The following SRRM3 variants were observed in gnomAD, a reference collection of about 807,000 sequenced individuals.
SRRM3 encodes serine/arginine repetitive matrix protein 3.
In SRRM3, 27 loss-of-function variants were observed where a neutral mutation model predicts 66.2. That is an observed-to-expected ratio of 0.41 (90% CI 0.30 to 0.56). The LOEUF (loss-of-function observed/expected upper bound fraction) is 0.56. Among genes scored for constraint, SRRM3 ranks in the 20% least tolerant of loss-of-function variants. SRRM3 has a pLI of 0.32. For synonymous variants in SRRM3, 391 were observed against 414.9 expected (o/e 0.94, Z 0.70); for missense variants, 918 against 991.9 (o/e 0.93, Z 1.00).
At chr7:76,248,080 G>C (rs1801484805) in intron 2 of SRRM3, 108 bp from the exon 3 acceptor site, 1 of 767,040 alleles carries the variant, frequency 1.3e-6, no homozygotes, top group Non-Finnish European at 2.2e-6. Context: ...GCAAGCCGGA[G>C]TGTGCACTTG....
intron 2 of SRRM3, among the ~76,000 whole-genome samples, chr7:76,247,975 G>A (rs10228758): frequency 0.039 from 6,012 of 152,278 alleles, 361 homozygotes; most frequent in African/African-American, 0.13. Context: ...GATTACAGGC[G>A]AGAGCCACTG....
At chr7:76,205,188 T>TTCTCTCTCTCTC (rs368530693) in intron 1 of SRRM3, among the ~76,000 whole-genome samples, 1 of 149,562 alleles carries the variant, frequency 6.7e-6, no homozygotes, top group African/African-American at 2.4e-5. Flanking sequence ...CTTGCCTCCT[T>TTCTCTCTCTCTC]TCTCTCTCTC....
At chr7:76,250,912 C>T (rs1583909172) in intron 3 of SRRM3, among the ~76,000 whole-genome samples, 1 of 152,164 alleles carries the variant, frequency 6.6e-6, no homozygotes, top group Non-Finnish European at 1.5e-5. Context: ...ATCACTACCC[C>T]CACCCAGGGC....
At chr7:76,243,464 G>T (rs1193488435) in intron 2 of SRRM3, among the ~76,000 whole-genome samples, 1 of 152,138 alleles carries the variant, frequency 6.6e-6, no homozygotes, top group African/African-American at 2.4e-5. Flanking sequence ...CTCTGAGTTG[G>T]TTCAATCCAG....
intron 11 of SRRM3, among the ~76,000 whole-genome samples, chr7:76,280,309 A>ATT (rs1383337317): frequency 6.6e-6 from 1 of 151,610 alleles, no homozygotes; most frequent in Admixed American, 6.6e-5. Flanking sequence ...TTGTTTTTTT[A>ATT]TTTCTGTTTT....
intron 3 of SRRM3, among the ~76,000 whole-genome samples, chr7:76,250,021 CTTTATTTA>C (rs71082399): frequency 7.9e-5 from 12 of 151,506 alleles, no homozygotes; most frequent in African/African-American, 2.4e-4. Flanking sequence ...TTGCAATCAT[CTTTATTTA>C]TTTATTTATT....
At chr7:76,261,300 G>GCCCCCCCCC in intron 6 of SRRM3, 52 bp from the exon 7 acceptor site, 2 of 519,212 alleles carry the variant, frequency 3.9e-6, no homozygotes, top group Non-Finnish European at 6.6e-6. Flanking sequence ...GCCATTTCCA[G>GCCCCCCCCC]CCCCCCACCC....
intron 1 of SRRM3, among the ~76,000 whole-genome samples, chr7:76,225,060 G>A (rs1800823101): frequency 6.6e-6 from 1 of 152,106 alleles, no homozygotes; most frequent in African/African-American, 2.4e-5. Context: ...AAAGGGTTTT[G>A]TGGCTATCAT....
At chr7:76,228,794 T>G (rs1453465558) in intron 1 of SRRM3, among the ~76,000 whole-genome samples, 4 of 152,124 alleles carry the variant, frequency 2.6e-5, no homozygotes, top group Non-Finnish European at 5.9e-5. Context: ...CAATAAAATT[T>G]GAAAATGGCT....
At chr7:76,272,893 T>G (rs1554610663) in intron 11 of SRRM3, among the ~76,000 whole-genome samples, 1 of 152,112 alleles carries the variant, frequency 6.6e-6, no homozygotes, top group Non-Finnish European at 1.5e-5. Flanking sequence ...GGATGAATTT[T>G]GCTAAAAGGA....
chr7:76,219,442 G>A (rs1554602961), intron 1 of SRRM3, among the ~76,000 whole-genome samples: 1 of 152,206 alleles, frequency 6.6e-6, no homozygotes. Flanking sequence ...CCTTGTCAGT[G>A]ATGCTCCAGC....
chr7:76,241,736 T>G (rs1423344645), intron 2 of SRRM3, among the ~76,000 whole-genome samples: 2 of 152,124 alleles, frequency 1.3e-5, no homozygotes, highest in African/African-American at 4.8e-5. Flanking sequence ...ACTCCTGACT[T>G]CAAGTGATCC....
intron 11 of SRRM3, chr7:76,267,643 G>A: frequency 6.9e-6 from 3 of 433,624 alleles, no homozygotes; most frequent in Non-Finnish European, 7.7e-6. Context: ...TGGCCCTGGT[G>A]TCAGGGTGAG....
intron 1 of SRRM3, among the ~76,000 whole-genome samples, chr7:76,224,480 G>A (rs965366256): frequency 1.8e-5 from 2 of 110,072 alleles, no homozygotes; most frequent in Non-Finnish European, 3.4e-5. Context: ...TCTCTTTTTT[G>A]CTCCTGCAGG....
In SRRM3 at chr7:76,286,104, T is replaced by TA. The variant is rs1413212942; in HGVS notation, c.*262dup. ...CTGTGCCCGGGGAACAAAGAGCCGT[T>TA]ACGAACACAGGAATCTCCCCATCCC... On this transcript the variant is annotated 3_prime_UTR_variant, in exon 15 of 15. Transcript: ENST00000611745. 1 of 557,968 alleles carries TA rather than the reference T, an allele frequency of 1.8e-6. No homozygotes were observed. The highest frequency in any genetic ancestry group is 3.3e-6 in the Non-Finnish European group (1 of 305,416). 34.6% of individuals were successfully genotyped at this position (557,968 alleles called of 1,614,324 possible).
intron 1 of SRRM3, among the ~76,000 whole-genome samples, chr7:76,218,372 T>G (rs1800619558): frequency 6.6e-6 from 1 of 152,156 alleles, no homozygotes; most frequent in Non-Finnish European, 1.5e-5. Context: ...AAGACTGTTC[T>G]TTCTTGGGCT....
intron 2 of SRRM3, among the ~76,000 whole-genome samples, chr7:76,242,353 C>T (rs1295196971): frequency 6.6e-6 from 1 of 151,980 alleles, no homozygotes. Flanking sequence ...GGCGTGGGGG[C>T]GCATGCCTGT....
intron 5 of SRRM3, 57 bp downstream of exon 5, chr7:76,260,254 G>A (rs141486193): frequency 0.05 from 68,004 of 1,350,680 alleles, 2,009 homozygotes; most frequent in Non-Finnish European, 0.059. Flanking sequence ...TCTCTCCCCG[G>A]ATGCCCGTCC....
chr7:76,267,208 A>AGTT, intron 10 of SRRM3, 50 bp from the exon 11 acceptor site: 1 of 1,439,908 alleles, frequency 6.9e-7, no homozygotes, highest in Non-Finnish European at 9.1e-7. Flanking sequence ...CTGCTTGCAA[A>AGTT]GCGGGTGTCC....
Sources: allele counts gnomAD v4.1 joint callset (sites outside exome capture counted in the v4.1 genomes callset), GRCh38; gene constraint gnomAD v4.1.1; transcripts MANE v1.5; gene names NCBI Gene and HGNC (gene_info 2026-07-23, HGNC 2026-07-21).